The following IRAK1BP1 variants were observed in gnomAD, a reference collection of about 807,000 sequenced individuals.
IRAK1BP1 encodes interleukin 1 receptor associated kinase 1 binding protein 1.
A neutral mutation model predicts 28.0 loss-of-function variants in IRAK1BP1; 24 were observed. That is an observed-to-expected ratio of 0.86 (90% CI 0.62 to 1.20). The LOEUF (loss-of-function observed/expected upper bound fraction) is 1.20, where lower values mean the gene tolerates loss of function less well. Among genes scored for constraint, IRAK1BP1 ranks in the 50% most tolerant of loss-of-function variants. The pLI is 0.00. For synonymous variants in IRAK1BP1, 131 were observed against 116.3 expected (o/e 1.13, Z -0.81); for missense variants, 336 against 316.7 (o/e 1.06, Z -0.46).
chr6:78,874,197 C>A (rs1426273349), intron 1 of IRAK1BP1, among the ~76,000 whole-genome samples: 2 of 152,188 alleles, frequency 1.3e-5, no homozygotes, highest in Admixed American at 6.5e-5. Flanking sequence ...ACAACCTAAA[C>A]TTATTTTTGT....
intron 4 of IRAK1BP1, chr6:78,941,052 C>T (rs1470445876): frequency 6.2e-7 from 1 of 1,613,832 alleles, no homozygotes; most frequent in Non-Finnish European, 8.5e-7. Flanking sequence ...AACAAATCTT[C>T]CTTTACATTA....
downstream of IRAK1BP1, among the ~76,000 whole-genome samples, chr6:78,948,140 TA>T (rs1773930269): frequency 6.6e-6 from 1 of 152,156 alleles, no homozygotes; most frequent in Non-Finnish European, 1.5e-5. Context: ...TTATAAATTC[TA>T]AAGGTCTGAC....
chr6:78,963,113 G>A, the IRAK1BP1 span: 5 of 1,603,694 alleles, frequency 3.1e-6, no homozygotes, highest in South Asian at 3.4e-5. Context: ...TCATCAACTG[G>A]TTTATTCCTG....
chr6:78,903,709 A>G (rs1445835007), downstream of IRAK1BP1, among the ~76,000 whole-genome samples: 2 of 151,846 alleles, frequency 1.3e-5, no homozygotes, highest in East Asian at 1.9e-4. Context: ...TGTGATAGGC[A>G]GGGGTCAGGC....
chr6:78,904,639 ATATATAT>A (rs1454276197), downstream of IRAK1BP1, among the ~76,000 whole-genome samples: 4 of 152,188 alleles, frequency 2.6e-5, no homozygotes, highest in Non-Finnish European at 4.4e-5. Flanking sequence ...TGAATCAGTC[ATATATAT>A]TATAATTTCA....
intron 4 of IRAK1BP1, among the ~76,000 whole-genome samples, chr6:78,909,565 C>G (rs747783502): frequency 5.5e-4 from 83 of 152,186 alleles, no homozygotes; most frequent in Non-Finnish European, 4.0e-4. Flanking sequence ...ATGACAAATG[C>G]AGAATTGCAC....
intron 1 of IRAK1BP1, among the ~76,000 whole-genome samples, chr6:78,883,690 C>T (rs1365979861): frequency 6.6e-6 from 1 of 152,132 alleles, no homozygotes; most frequent in East Asian, 1.9e-4. Flanking sequence ...ATATATAGTA[C>T]AGACCCCTAA....
intron 2 of IRAK1BP1, among the ~76,000 whole-genome samples, chr6:78,895,642 CAT>C (rs1371349051): frequency 6.6e-5 from 10 of 152,252 alleles, no homozygotes; most frequent in Middle Eastern, 3.4e-3. Flanking sequence ...AAAAAAATCA[CAT>C]GATTATCTCA....
intron 1 of IRAK1BP1, chr6:78,872,008 G>A (rs1770810888): frequency 3.2e-6 from 2 of 615,784 alleles, no homozygotes; most frequent in Non-Finnish European, 5.8e-6. Context: ...TAATGCCAGG[G>A]AATTAAAGTC....
At chr6:78,931,909 T>G (rs1207336475) in intron 4 of IRAK1BP1, among the ~76,000 whole-genome samples, 2 of 152,238 alleles carry the variant, frequency 1.3e-5, no homozygotes, top group Non-Finnish European at 2.9e-5. Context: ...GCTGTTTGAT[T>G]GCATTTTACC....
intron 4 of IRAK1BP1, among the ~76,000 whole-genome samples, chr6:78,932,534 G>C (rs1773086127): frequency 6.8e-6 from 1 of 147,464 alleles, no homozygotes; most frequent in African/African-American, 2.5e-5. Context: ...CAATTCTCCT[G>C]CCTCAGCCTC....
intron 2 of IRAK1BP1, among the ~76,000 whole-genome samples, chr6:78,887,216 G>T (rs1227501865): frequency 6.6e-6 from 1 of 152,108 alleles, no homozygotes; most frequent in Non-Finnish European, 1.5e-5. Context: ...TTTTAAAAAT[G>T]AACGAAGGAC....
At chr6:78,897,429 G>A (rs1282240681) in intron 2 of IRAK1BP1, among the ~76,000 whole-genome samples, 1 of 152,000 alleles carries the variant, frequency 6.6e-6, no homozygotes, top group Non-Finnish European at 1.5e-5. Flanking sequence ...ATTGGAAGAA[G>A]AAACATTTCT....
chr6:78,972,166 C>A, the IRAK1BP1 span, among the ~76,000 whole-genome samples: 1 of 151,920 alleles, frequency 6.6e-6, no homozygotes. Context: ...TCTCCCAGTA[C>A]GCAGCTGGAG....
chr6:78,923,167 T>C (rs1772788527), intron 4 of IRAK1BP1, among the ~76,000 whole-genome samples: 1 of 151,994 alleles, frequency 6.6e-6, no homozygotes, highest in Non-Finnish European at 1.5e-5. Context: ...GTGTGCTGTA[T>C]TCAGGAAACC....
intron 4 of IRAK1BP1, among the ~76,000 whole-genome samples, chr6:78,916,194 G>T (rs2127663604): frequency 6.6e-6 from 1 of 152,304 alleles, no homozygotes; most frequent in African/African-American, 2.4e-5. Context: ...CTTGGGCTTA[G>T]AAGGTTGGGT....
intron 4 of IRAK1BP1, among the ~76,000 whole-genome samples, chr6:78,916,316 A>C (rs1293603659): frequency 6.6e-6 from 1 of 151,952 alleles, no homozygotes; most frequent in Admixed American, 6.6e-5. Flanking sequence ...GAAAATGATT[A>C]TGTGTAGTGC....
At chr6:78,887,491 C>G (rs1771470156) in intron 2 of IRAK1BP1, among the ~76,000 whole-genome samples, 1 of 152,012 alleles carries the variant, frequency 6.6e-6, no homozygotes, top group Admixed American at 6.5e-5. Context: ...TGGTGAAACC[C>G]CATCTCTACT....
At chr6:78,930,879 C>T (rs866896328) in intron 4 of IRAK1BP1, among the ~76,000 whole-genome samples, 24 of 151,778 alleles carry the variant, frequency 1.6e-4, no homozygotes, top group African/African-American at 5.3e-4. Context: ...GGCAGTGAGC[C>T]GAGATCGCAC....
Sources: allele counts gnomAD v4.1 joint callset (sites outside exome capture counted in the v4.1 genomes callset), GRCh38; gene constraint gnomAD v4.1.1; transcripts MANE v1.5; gene names NCBI Gene and HGNC (gene_info 2026-07-23, HGNC 2026-07-21).